The following KLHL29 variants were observed in gnomAD, a reference collection of about 807,000 sequenced individuals.
KLHL29 encodes the protein kelch like family member 29.
A neutral mutation model predicts 80.4 loss-of-function variants in KLHL29; 21 were observed. The observed-to-expected ratio is 0.26, with a 90% CI of 0.19 to 0.38. The LOEUF is 0.38. Ranked by LOEUF, KLHL29 falls within the 10% of genes least tolerant of loss-of-function variation. KLHL29 has a pLI of 1.00. For missense variants in KLHL29, 867 were observed against 1,223.9 expected, an observed-to-expected ratio of 0.71 and a Z score of 4.35; for synonymous variants, 511 against 526.8, an observed-to-expected ratio of 0.97 and a Z score of 0.41.
chr2:23,696,294 C>T lies in KLHL29; in HGVS notation c.1925-39C>T, dbSNP rs1572519569. ...GGCCTGCTGACCCCAGGCCCCTCCT[C>T]ACCCCGCCCGCTCTCTCTGCCTCCC... On this transcript the variant is annotated intron_variant, in intron 10 of 13. Transcript: ENST00000486442. The surrounding 1 kb of genome is among the most constrained non-coding windows in gnomAD (Gnocchi z 5.5). 3 of 1,544,824 alleles carry T rather than the reference C, an allele frequency of 1.9e-6. No individual in the cohort carries two copies. Among genetic ancestry groups the T allele is most frequent in the Non-Finnish European group, 2.6e-6 (3 of 1,142,022 alleles).
chr2:23,629,440 G>T (rs1669413787), intron 3 of KLHL29, among the ~76,000 whole-genome samples: 1 of 151,858 alleles, frequency 6.6e-6, no homozygotes, highest in Non-Finnish European at 1.5e-5. Context: ...TGTAATGGAT[G>T]AAAAGTTACT....
intron 2 of KLHL29, among the ~76,000 whole-genome samples, chr2:23,518,643 C>T (rs1038773500): frequency 6.6e-6 from 1 of 152,168 alleles, no homozygotes; most frequent in African/African-American, 2.4e-5. Flanking sequence ...GTACCCAGGA[C>T]ACCTGAGCTC....
chr2:23,648,638 G>T (rs138911490), intron 5 of KLHL29, among the ~76,000 whole-genome samples: 294 of 152,336 alleles, frequency 1.9e-3, no homozygotes, highest in African/African-American at 6.7e-3. Flanking sequence ...GGGGCTTTCA[G>T]TATCCCGTGG....
At chr2:23,529,148 C>T (rs574817886) in intron 2 of KLHL29, among the ~76,000 whole-genome samples, 5 of 152,344 alleles carry the variant, frequency 3.3e-5, no homozygotes, top group South Asian at 2.1e-4. Flanking sequence ...TGCTCTGTCA[C>T]GCAGGCTGCA....
intron 1 of KLHL29, among the ~76,000 whole-genome samples, chr2:23,422,512 G>A (rs1398355160): frequency 1.3e-5 from 2 of 151,072 alleles, no homozygotes; most frequent in African/African-American, 4.9e-5. Flanking sequence ...TGTGTGTTAT[G>A]TGTGTCTCTG....
intron 2 of KLHL29, among the ~76,000 whole-genome samples, chr2:23,537,513 A>T (rs1455824431): frequency 1.4e-5 from 2 of 144,626 alleles, no homozygotes; most frequent in Admixed American, 6.9e-5. Flanking sequence ...CATCCTGTGT[A>T]ACCACTCATG....
At chr2:23,643,139 GC>G (rs1558421328) in intron 5 of KLHL29, 1 of 562,376 alleles carries the variant, frequency 1.8e-6, no homozygotes, top group Admixed American at 2.6e-5. Context: ...TCCAGCCCAA[GC>G]CCTGGCCATT....
At chr2:23,706,004 G>A (rs1261116826) in intron 13 of KLHL29, among the ~76,000 whole-genome samples, 1 of 152,220 alleles carries the variant, frequency 6.6e-6, no homozygotes, top group Non-Finnish European at 1.5e-5. Flanking sequence ...GCAGCACCAG[G>A]TCACACAGAA....
intron 3 of KLHL29, among the ~76,000 whole-genome samples, chr2:23,632,146 G>A (rs1317768400): frequency 6.6e-6 from 1 of 152,190 alleles, no homozygotes; most frequent in Non-Finnish European, 1.5e-5. Flanking sequence ...CCCCGTGGTG[G>A]TGGTCAGAAG....
chr2:23,564,805 C>T (rs1196568309), intron 3 of KLHL29, among the ~76,000 whole-genome samples: 2 of 152,336 alleles, frequency 1.3e-5, no homozygotes, highest in East Asian at 1.9e-4. Flanking sequence ...GCTCACGGCT[C>T]CTTGTGTATA....
At position 23,695,151 on chromosome 2, in the gene KLHL29, C is replaced by T. The variant is rs893213665; in HGVS notation, c.1543-472C>T. Among the ~76,000 whole-genome samples, 36 of 152,260 alleles carry T rather than the reference C, an allele frequency of 2.4e-4. No individual in the cohort carries two copies. The highest frequency in any genetic ancestry group is 8.7e-4 in the African/African-American group (36 of 41,540). Reference sequence around the variant, plus strand: ...TTTCGGTGCTGGAGAGACACAGGCTCCCACGGCTGAGACTTACAAGCTCAA... The same window carrying T: ...TTTCGGTGCTGGAGAGACACAGGCTTCCACGGCTGAGACTTACAAGCTCAA... On this transcript the variant is annotated intron_variant, in intron 8 of 13. Transcript: ENST00000486442. The surrounding 1 kb of genome is among the most constrained non-coding windows in gnomAD (Gnocchi z 7.6).
At chr2:23,628,092 TA>T (rs1669367271) in intron 3 of KLHL29, among the ~76,000 whole-genome samples, 1 of 151,984 alleles carries the variant, frequency 6.6e-6, no homozygotes, top group African/African-American at 2.4e-5. Context: ...TTTGTATTTT[TA>T]GTAGAGATGG....
At chr2:23,440,379 A>G (rs1189799684) in intron 1 of KLHL29, among the ~76,000 whole-genome samples, 1 of 151,834 alleles carries the variant, frequency 6.6e-6, no homozygotes, top group East Asian at 1.9e-4. Flanking sequence ...AAAACTCTAT[A>G]AGAAAACCTA....
chr2:23,415,931 A>G (rs1264508951), intron 1 of KLHL29, among the ~76,000 whole-genome samples: 1 of 152,156 alleles, frequency 6.6e-6, no homozygotes, highest in Non-Finnish European at 1.5e-5. Context: ...AGCAGTGAAT[A>G]AGAAGACATG....
Position 23,696,417 on chromosome 2 carries a change from C to T in KLHL29, c.2009C>T (p.Thr670Ile), listed in dbSNP as rs745743662. ...AACTGGAACCTCGTCTCCAGAATGACAGTCCCCCGCTGTCGGCACAATAGC... is the reference window on the plus strand; with the variant it reads ...AACTGGAACCTCGTCTCCAGAATGATAGTCCCCCGCTGTCGGCACAATAGC... ...LDNWNLVSRMTVPRCRHNSLV... is the reference protein window; with the variant it reads ...LDNWNLVSRMIVPRCRHNSLV... The change falls in exon 11 of 14, where the codon ACA (threonine) becomes ATA (isoleucine). Residue 670 changes from threonine (T) to isoleucine (I), a missense_variant. Physicochemically the swap from Thr to Ile is moderately conservative, Grantham distance 89. Around this residue, in one of 2 missense-constraint regions of KLHL29, gnomAD observed 443 missense variants for 767.0 expected, o/e 0.58. Transcript: ENST00000486442. This position sits in a 1 kb window ranked among gnomAD's most constrained non-coding sequence, Gnocchi z 5.5. 7.1e-6 allele frequency: 11 copies of T among 1,551,526 alleles called. No individual in the cohort carries two copies. The South Asian group carries it at 8.3e-5, about 12-fold the overall frequency.
chr2:23,525,737 C>CCG (rs1553335102), intron 2 of KLHL29, among the ~76,000 whole-genome samples: 1 of 28,134 alleles, frequency 3.6e-5, no homozygotes, highest in Non-Finnish European at 7.9e-5. Flanking sequence ...CCCCCCCCCC[C>CCG]CACCCGAGGC....
At chr2:23,441,163 G>A (rs1268106081) in intron 1 of KLHL29, among the ~76,000 whole-genome samples, 5 of 152,202 alleles carry the variant, frequency 3.3e-5, no homozygotes, top group Non-Finnish European at 5.9e-5. Flanking sequence ...AAAATGATGA[G>A]TTCATGTCCT....
intron 5 of KLHL29, chr2:23,672,395 G>T: frequency 6.6e-6 from 1 of 152,474 alleles, no homozygotes. Context: ...TCATGGTCCA[G>T]GCCTGGCATG....
intron 3 of KLHL29, among the ~76,000 whole-genome samples, chr2:23,613,189 G>A (rs892900900): frequency 2.0e-5 from 3 of 152,098 alleles, no homozygotes; most frequent in Non-Finnish European, 2.9e-5. Context: ...GACACAGAGA[G>A]CATTAGCAAA....
Sources: allele counts gnomAD v4.1 joint callset (sites outside exome capture counted in the v4.1 genomes callset), GRCh38; gene constraint gnomAD v4.1.1; regional missense constraint gnomAD v4.1.1; non-coding constraint Gnocchi (gnomAD v3.1); transcripts MANE v1.5; gene names NCBI Gene and HGNC (gene_info 2026-07-23, HGNC 2026-07-21).